MCM8: variants seen among roughly 807,000 people sequenced by gnomAD.
MCM8 encodes DNA helicase MCM8.
In MCM8, 85 loss-of-function variants were observed where a neutral mutation model predicts 98.9. That is an observed-to-expected ratio of 0.86 (90% confidence interval 0.72 to 1.03). The LOEUF is 1.03. Ranked by LOEUF, MCM8 falls within the 50% of genes least tolerant of loss-of-function variation. The pLI is 0.00. For synonymous variants in MCM8, 352 were observed against 338.6 expected, an observed-to-expected ratio of 1.04 and a Z score of -0.44; for missense variants, 951 against 997.8, an observed-to-expected ratio of 0.95 and a Z score of 0.63.
chr20:5,976,359 G>A (rs1179169413), intron 12 of MCM8, among the ~76,000 whole-genome samples: 3 of 152,092 alleles, frequency 2.0e-5, no homozygotes, highest in Admixed American at 6.6e-5. Context: ...ATAGAGAAAC[G>A]CCACACTTTG....
At chr20:5,962,186 G>T (rs1415653790) in intron 7 of MCM8, among the ~76,000 whole-genome samples, 1 of 152,118 alleles carries the variant, frequency 6.6e-6, no homozygotes, top group Non-Finnish European at 1.5e-5. Context: ...TGCTTATATG[G>T]CTGCTGACAG....
At chr20:5,991,981 C>T (rs771573666) in intron 17 of MCM8, among the ~76,000 whole-genome samples, 1 of 152,150 alleles carries the variant, frequency 6.6e-6, no homozygotes, top group Non-Finnish European at 1.5e-5. Flanking sequence ...TAAACTGTGA[C>T]ATAGCTTGTC....
chr20:5,983,560 C>T (rs1006245550), intron 14 of MCM8, among the ~76,000 whole-genome samples: 5 of 151,976 alleles, frequency 3.3e-5, no homozygotes, highest in Non-Finnish European at 5.9e-5. Context: ...ATTAGCCAGG[C>T]ATGATGGCAG....
chr20:5,952,406 GTAT>G lies in MCM8; in HGVS notation c.149-16_149-14del. The G allele has an allele frequency of 6.2e-7, 1 of 1,609,696 alleles. No homozygotes were observed. Among genetic ancestry groups the G allele is most frequent in the Non-Finnish European group, 8.5e-7 (1 of 1,177,136 alleles). On this transcript the variant is annotated splice_polypyrimidine_tract_variant and intron_variant, in intron 2 of 18. Coordinates refer to ENST00000610722, the MANE Select transcript of MCM8 (RefSeq NM_032485.6). ...TGTTCACTCTGTTTCTACTAACCTAGTATTTTATTTTTTTCAGAACAAACCCCA... is the reference window on the plus strand; with the variant it reads ...TGTTCACTCTGTTTCTACTAACCTAGTTTATTTTTTTCAGAACAAACCCCA...
intron 17 of MCM8, among the ~76,000 whole-genome samples, chr20:5,989,759 C>T (rs1185078666): frequency 6.6e-6 from 1 of 152,034 alleles, no homozygotes; most frequent in African/African-American, 2.4e-5. Flanking sequence ...GAAGGGCACC[C>T]ATGTCACCTC....
At position 5,967,328 on chromosome 20, in the gene MCM8, C is replaced by T. The variant is rs2089295997; in HGVS notation, c.876-108C>T. On this transcript the variant is annotated intron_variant, in intron 8 of 18. Transcript: ENST00000610722. ...GATATACCATTAAACTGTTAATAAG[C>T]AAATCTGCTTTTATCTTCCTCAGCA... The T allele has an allele frequency of 6.6e-6, 6 of 915,736 alleles. No individual in the cohort carries two copies. In the East Asian group the frequency reaches 1.6e-4, roughly 24 times the overall value. The allele number at this position is 915,736 out of a possible 1,614,324, so 56.7% of individuals were successfully genotyped here.
intron 16 of MCM8, among the ~76,000 whole-genome samples, chr20:5,986,678 C>T (rs2089741005): frequency 6.6e-6 from 1 of 152,104 alleles, no homozygotes; most frequent in Non-Finnish European, 1.5e-5. Context: ...GTATGATTTC[C>T]TAAAAGTAAA....
Position 5,993,657 on chromosome 20 carries a change from C to T in MCM8, c.2392C>T (p.His798Tyr). Residue 798 changes from histidine to tyrosine, a missense_variant, in exon 18 of 19, where the codon CAT becomes TAT. Coordinates refer to ENST00000610722, the MANE Select transcript of MCM8 (RefSeq NM_032485.6). Reference sequence around the variant, plus strand: ...AACTTATAATAATATATTTCAATTTCATCAACTTCGGCAGATTGCCAAAGA... The same window carrying T: ...AACTTATAATAATATATTTCAATTTTATCAACTTCGGCAGATTGCCAAAGA... ...ERTYNNIFQFHQLRQIAKELN... is the reference protein window; with the variant it reads ...ERTYNNIFQFYQLRQIAKELN... 1 of 1,607,886 alleles carries T rather than the reference C, an allele frequency of 6.2e-7. No individual in the cohort carries two copies. Among genetic ancestry groups the T allele is most frequent in the Non-Finnish European group, 8.5e-7 (1 of 1,176,170 alleles).
intron 5 of MCM8, 119 bp downstream of exon 5, chr20:5,955,370 C>T: frequency 1.1e-6 from 1 of 949,718 alleles, no homozygotes; most frequent in South Asian, 1.9e-5. Flanking sequence ...ATAAGAGATA[C>T]TTAGCTTTTA....
At chr20:5,993,121 T>G (rs535774850) in intron 17 of MCM8, among the ~76,000 whole-genome samples, 1 of 152,304 alleles carries the variant, frequency 6.6e-6, no homozygotes, top group East Asian at 1.9e-4. Context: ...AAAATACTGG[T>G]GCGGCCAGAT....
intron 7 of MCM8, among the ~76,000 whole-genome samples, chr20:5,959,928 A>G (rs982875783): frequency 6.6e-6 from 1 of 151,770 alleles, no homozygotes; most frequent in South Asian, 2.1e-4. Context: ...CAAACTCCTG[A>G]CCTGGTGATC....
chr20:5,976,361 CA>C (rs2089511486), intron 12 of MCM8, among the ~76,000 whole-genome samples: 1 of 152,090 alleles, frequency 6.6e-6, no homozygotes, highest in Admixed American at 6.6e-5. Context: ...AGAGAAACGC[CA>C]CACTTTGAGA....
In MCM8 at chr20:5,972,036, A is replaced by T; in HGVS notation, c.1253A>T (p.Glu418Val). 1 of 1,610,086 alleles carries T rather than the reference A, an allele frequency of 6.2e-7. No individual in the cohort carries two copies. The highest frequency in any genetic ancestry group is 8.5e-7 in the Non-Finnish European group (1 of 1,177,576). The stretch of plus-strand genomic sequence containing the variant: ...CTTTGCCCTGTCATTTTTGGTCATG[A>T]AGTAAGTATTTTACTTCATCTTTAC... ...NSLCPVIFGH[E>V]LVKAGLALAL... Residue 418 changes from glutamate to valine, a missense_variant and splice_region_variant, in exon 11 of 19, where the codon GAA becomes GTA. Transcript: ENST00000610722.
At position 5,995,873 on chromosome 20, in the gene MCM8, A is replaced by G. The variant is rs1241093987; in HGVS notation, c.*1482A>G. 3.9e-5 allele frequency: 6 copies of G among 152,232 alleles called. No homozygotes were observed. In the East Asian group the frequency reaches 1.2e-3, roughly 29 times the overall value. The allele number at this position is 152,232 out of a possible 1,614,324, so 9.4% of individuals were successfully genotyped here. Reference sequence around the variant, plus strand: ...CAAACGAAGATGAATGGAAAATGTAAATAAAAAGAACTGGCAGTGTATATC... The same window carrying G: ...CAAACGAAGATGAATGGAAAATGTAGATAAAAAGAACTGGCAGTGTATATC... On this transcript the variant is annotated 3_prime_UTR_variant, in exon 19 of 19. Coordinates refer to ENST00000610722, the MANE Select transcript of MCM8 (RefSeq NM_032485.6).
chr20:5,977,872 T>C lies in MCM8; in HGVS notation c.1396-4T>C. 1 of 1,613,752 alleles carries C rather than the reference T, an allele frequency of 6.2e-7. No homozygotes were observed. The highest frequency in any genetic ancestry group is 8.5e-7 in the Non-Finnish European group (1 of 1,179,782). ...TGATTCTCTTAAACTTTTTGTTTCC[T>C]TAGGCAGCGTGCAATGTTGCCCCAC... On this transcript the variant is annotated splice_polypyrimidine_tract_variant and splice_region_variant and intron_variant, in intron 12 of 18. Transcript: ENST00000610722.
intron 7 of MCM8, among the ~76,000 whole-genome samples, chr20:5,962,732 G>A (rs531340534): frequency 6.6e-6 from 1 of 152,256 alleles, no homozygotes; most frequent in South Asian, 2.1e-4. Context: ...AAATATTGTT[G>A]CAATCATATT....
Position 5,962,352 on chromosome 20 carries a change from CTTTTTTTTTTTTTTTTTT to C in MCM8, c.790-906_790-889del, listed in dbSNP as rs926577182. Among the ~76,000 whole-genome samples, 22 of 40,572 alleles carry C rather than the reference CTTTTTTTTTTTTTTTTTT, an allele frequency of 5.4e-4. 1 individual carries two copies. Among genetic ancestry groups the C allele is most frequent in the Admixed American group, 1.1e-3 (3 of 2,634 alleles). 26.6% of individuals were successfully genotyped at this position (40,572 alleles called of 152,430 possible). A position where few individuals can be genotyped will look rare whatever the true frequency, so the allele number is the denominator to read the frequency against. ...CAGGAGAAGGAATTAGCCTTCATTT[CTTTTTTTTTTTTTTTTTT>C]TTTTTTTTTTTTTTTGAGACGGAGT... is the stretch of plus-strand genomic sequence containing the variant. On this transcript the variant is annotated intron_variant, in intron 7 of 18. Coordinates refer to ENST00000610722, the MANE Select transcript of MCM8 (RefSeq NM_032485.6).
At chr20:5,962,924 T>C (rs1048202981) in intron 7 of MCM8, among the ~76,000 whole-genome samples, 2 of 152,070 alleles carry the variant, frequency 1.3e-5, no homozygotes, top group Non-Finnish European at 2.9e-5. Flanking sequence ...AGGATTGGCA[T>C]TGGGCATGTG....
intron 12 of MCM8, among the ~76,000 whole-genome samples, chr20:5,974,441 A>G (rs2089467384): frequency 6.6e-6 from 1 of 152,192 alleles, no homozygotes; most frequent in African/African-American, 2.4e-5. Flanking sequence ...GTGCTTTCTA[A>G]AAATGCCTGT....
Sources: gnomAD v4.1 joint callset for allele counts (sites outside exome capture counted in the v4.1 genomes callset) on GRCh38, gnomAD v4.1.1 for gene constraint, MANE v1.5 for transcripts, NCBI Gene and HGNC (gene_info 2026-07-23, HGNC 2026-07-21) for gene names.